AASDH: variants seen among roughly 807,000 people sequenced by gnomAD.
AASDH encodes aminoadipate-semialdehyde dehydrogenase.
In AASDH, 81 loss-of-function variants were observed where a neutral mutation model predicts 102.3. The ratio of observed to expected loss-of-function variants is 0.79; its 90% CI spans 0.66 to 0.95. The LOEUF is 0.95. Ranked by LOEUF, AASDH falls within the 40% of genes least tolerant of loss-of-function variation. The pLI is 0.00. For synonymous variants in AASDH, 398 were observed against 454.0 expected (o/e 0.88, Z 1.57); for missense variants, 1,203 against 1,266.2 (o/e 0.95, Z 0.76).
chr4:56,365,929 G>T (rs947562969), intron 5 of AASDH, among the ~76,000 whole-genome samples: 2 of 152,096 alleles, frequency 1.3e-5, no homozygotes, highest in African/African-American at 4.8e-5. Flanking sequence ...ATGAATCCAG[G>T]AGCTGGTTTT....
Position 56,351,453 on chromosome 4 carries a change from T to C in AASDH, c.1581A>G (p.Lys527=). The change falls in exon 10 of 15, where the codon AAA becomes AAG. Residue 527 remains lysine (K), a synonymous_variant. Transcript: ENST00000205214. ...IDSLPFTSHG[K]IDVSELNKIY... ...TCTTGTTTAACTCAGAAACATCAAT[T>C]TTGCCTTAATATAAAAGAGAAATAA... is the stretch of plus-strand genomic sequence containing the variant. The C allele has an allele frequency of 6.6e-7, 1 of 1,518,040 alleles. No homozygotes were observed. The allele number at this position is 1,518,040 out of a possible 1,614,324, so 94.0% of individuals were successfully genotyped here. A position where few individuals can be genotyped will look rare whatever the true frequency, so the allele number is the denominator to read the frequency against.
chr4:56,351,295 T>C (rs1748967864), intron 10 of AASDH, 47 bp downstream of exon 10: 1 of 1,252,298 alleles, frequency 8.0e-7, no homozygotes, highest in Non-Finnish European at 1.1e-6. Context: ...CCTAAAGATA[T>C]AAAACGACCT....
intron 10 of AASDH, among the ~76,000 whole-genome samples, chr4:56,350,318 G>A (rs906201032): frequency 4.6e-5 from 7 of 152,020 alleles, no homozygotes; most frequent in Admixed American, 1.3e-4. Context: ...AGCTGGGTGC[G>A]GTGGTAGCCA....
At chr4:56,373,614 C>T (rs115513304) in intron 4 of AASDH, among the ~76,000 whole-genome samples, 2,337 of 152,246 alleles carry the variant, frequency 0.015, 67 homozygotes, top group African/African-American at 0.053. Flanking sequence ...AAGTGCCATA[C>T]GTTGGGGTAT....
At chr4:56,348,420 A>G (rs1325571545) in intron 11 of AASDH, among the ~76,000 whole-genome samples, 1 of 151,774 alleles carries the variant, frequency 6.6e-6, no homozygotes, top group Non-Finnish European at 1.5e-5. Context: ...ATGCCTAGCT[A>G]ATGTTTGTAT....
At position 56,351,378 on chromosome 4, in the gene AASDH, T is replaced by C; in HGVS notation, c.1656A>G (p.Lys552=). 1 of 1,601,186 alleles carries C rather than the reference T, an allele frequency of 6.2e-7. No individual in the cohort carries two copies. Among genetic ancestry groups the C allele is most frequent in the East Asian group, 2.2e-5 (1 of 44,656 alleles). Residue 552 remains lysine (K), a synonymous_variant, in exon 10 of 15, where the codon AAA becomes AAG. Coordinates refer to ENST00000205214, the MANE Select transcript of AASDH (RefSeq NM_181806.4). ...NLKSENKLSG[K]EDLWEKLQYL... is the part of the protein sequence containing the mutation. ...ACTGTAATTTTTCCCAAAGGTCCTCTTTCCCACTGAGCTTATTCTCAGACT... is the reference window on the plus strand; with the variant it reads ...ACTGTAATTTTTCCCAAAGGTCCTCCTTCCCACTGAGCTTATTCTCAGACT...
chr4:56,342,072 A>G (rs1462500739), intron 14 of AASDH, among the ~76,000 whole-genome samples: 2 of 150,546 alleles, frequency 1.3e-5, no homozygotes, highest in African/African-American at 4.9e-5. Context: ...AGATCACACC[A>G]ATGTACTCCA....
chr4:56,346,363 T>C (rs1247484071), intron 11 of AASDH, among the ~76,000 whole-genome samples: 1 of 152,208 alleles, frequency 6.6e-6, no homozygotes, highest in Admixed American at 6.5e-5. Flanking sequence ...AGAAATGTCC[T>C]ACATAGTAGA....
intron 11 of AASDH, 59 bp downstream of exon 11, chr4:56,349,204 T>C (rs1348993874): frequency 9.1e-6 from 14 of 1,544,212 alleles, no homozygotes; most frequent in Admixed American, 5.7e-5. Context: ...CTTGGGCCTA[T>C]GAAGATTATT....
At chr4:56,385,157 A>C (rs2110017947) in intron 1 of AASDH, among the ~76,000 whole-genome samples, 1 of 152,344 alleles carries the variant, frequency 6.6e-6, no homozygotes. Flanking sequence ...TAGGAGCTAA[A>C]CTCAGATGAA....
chr4:56,386,980 T>A (rs969940844), intron 1 of AASDH, among the ~76,000 whole-genome samples: 1 of 152,154 alleles, frequency 6.6e-6, no homozygotes, highest in Non-Finnish European at 1.5e-5. Flanking sequence ...CTGGCTGTTT[T>A]AAAAATGGAT....
At chr4:56,370,466 T>C (rs1372509843) in intron 5 of AASDH, among the ~76,000 whole-genome samples, 1 of 151,962 alleles carries the variant, frequency 6.6e-6, no homozygotes, top group Non-Finnish European at 1.5e-5. Context: ...GCAATGGTAT[T>C]AGGAGGTAGG....
At chr4:56,348,493 G>T (rs546489977) in intron 11 of AASDH, among the ~76,000 whole-genome samples, 1 of 152,076 alleles carries the variant, frequency 6.6e-6, no homozygotes, top group Non-Finnish European at 1.5e-5. Context: ...GGGCACAAGC[G>T]ATCTGTCCAC....
intron 2 of AASDH, among the ~76,000 whole-genome samples, chr4:56,382,887 T>G (rs1753143996): frequency 6.6e-6 from 1 of 152,150 alleles, no homozygotes; most frequent in Non-Finnish European, 1.5e-5. Flanking sequence ...CTGACCAACA[T>G]GGAGAAACCC....
At chr4:56,371,709 G>T in intron 4 of AASDH, 66 bp from the exon 5 acceptor site, 6 of 1,385,332 alleles carry the variant, frequency 4.3e-6, no homozygotes, top group Non-Finnish European at 4.8e-6. Context: ...TCCTAAAAGA[G>T]TGTTCATGTG....
At chr4:56,375,519 T>C (rs1204539367) in intron 4 of AASDH, among the ~76,000 whole-genome samples, 2 of 152,184 alleles carry the variant, frequency 1.3e-5, no homozygotes, top group African/African-American at 4.8e-5. Context: ...TGAATGAAGT[T>C]GAAGCACAAA....
Position 56,338,370 on chromosome 4 carries a change from AC to A in AASDH, c.*31del, listed in dbSNP as rs1357809787. ...ATGGTAAAATATTTTCAAATATCTCACATTTGTTATACAAATAAGGACTGTA... is the reference window on the plus strand; with the variant it reads ...ATGGTAAAATATTTTCAAATATCTCAATTTGTTATACAAATAAGGACTGTA... On this transcript the variant is annotated 3_prime_UTR_variant, in exon 15 of 15. Transcript: ENST00000205214. 1 of 1,581,162 alleles carries A rather than the reference AC, an allele frequency of 6.3e-7. No homozygotes were observed. The highest frequency in any genetic ancestry group is 2.2e-5 in the East Asian group (1 of 44,766).
intron 5 of AASDH, among the ~76,000 whole-genome samples, chr4:56,361,862 C>T (rs993059453): frequency 7.2e-5 from 11 of 152,034 alleles, no homozygotes; most frequent in African/African-American, 2.7e-4. Context: ...GTCCCAGCTA[C>T]TCAGGAGGCT....
chr4:56,358,085 C>G (rs1749826141), intron 5 of AASDH, among the ~76,000 whole-genome samples: 2 of 151,662 alleles, frequency 1.3e-5, no homozygotes, highest in South Asian at 4.2e-4. Context: ...TTTTTTGATG[C>G]TAGTGTAAAT....
Sources: gnomAD v4.1 joint callset for allele counts (sites outside exome capture counted in the v4.1 genomes callset) on GRCh38, gnomAD v4.1.1 for gene constraint, MANE v1.5 for transcripts, NCBI Gene and HGNC (gene_info 2026-07-23, HGNC 2026-07-21) for gene names.